Variants in RIMBP2 observed in about 807,000 individuals in gnomAD.
RIMBP2 encodes the protein RIMS-binding protein 2.
A neutral mutation model predicts 118.6 loss-of-function variants in RIMBP2; 48 were observed. That is an observed-to-expected ratio of 0.40 (90% CI 0.32 to 0.51). RIMBP2 has a LOEUF of 0.51. RIMBP2 is among the 20% of genes least tolerant of loss of function. RIMBP2 has a pLI of 0.41. For synonymous variants in RIMBP2, 762 were observed against 742.9 expected (o/e 1.03, Z -0.42); for missense variants, 1,551 against 1,768.3 (o/e 0.88, Z 2.20).
intron 4 of RIMBP2, among the ~76,000 whole-genome samples, chr12:130,481,658 G>A (rs1042145126): frequency 6.6e-6 from 1 of 152,164 alleles, no homozygotes; most frequent in South Asian, 2.1e-4. Context: ...CATGAAACAC[G>A]GGTGTCGCGG....
rs771057996 is a variant in RIMBP2 at position 130,428,165 on chromosome 12, C to T, written c.2412+14G>A. The T allele has an allele frequency of 9.5e-6, 15 of 1,580,802 alleles. No individual in the cohort carries two copies. Among genetic ancestry groups the T allele is most frequent in the Middle Eastern group, 1.7e-4 (1 of 5,918 alleles). On this transcript the variant is annotated intron_variant, in intron 15 of 22. Coordinates refer to ENST00000690449, the MANE Select transcript of RIMBP2 (RefSeq NM_001393629.1). ...GGGGACGGAGTGCAGGGTCCCCCTT[C>T]CCCAGCCACTCACCTTGAGGGCATT... is the stretch of plus-strand genomic sequence containing the variant.
intron 1 of RIMBP2, among the ~76,000 whole-genome samples, chr12:130,645,524 T>C (rs994972184): frequency 2.6e-5 from 4 of 152,220 alleles, no homozygotes; most frequent in Admixed American, 6.5e-5. Context: ...GGACACGGGA[T>C]GGGCAGAGAA....
intron 2 of RIMBP2, among the ~76,000 whole-genome samples, chr12:130,541,553 T>C (rs58075116): frequency 0.031 from 4,676 of 152,346 alleles, 88 homozygotes; most frequent in African/African-American, 0.062. Flanking sequence ...CTTCCTCTCA[T>C]TGAATATAGA....
chr12:130,440,267 C>A (rs1338075811), intron 11 of RIMBP2, among the ~76,000 whole-genome samples: 1 of 152,006 alleles, frequency 6.6e-6, no homozygotes, highest in East Asian at 1.9e-4. Flanking sequence ...CATCCCCGGG[C>A]ATGGCTAACC....
intron 1 of RIMBP2, among the ~76,000 whole-genome samples, chr12:130,701,658 G>A (rs2065860776): frequency 6.6e-6 from 1 of 152,088 alleles, no homozygotes; most frequent in Non-Finnish European, 1.5e-5. Context: ...ATGCTGACTT[G>A]AGCCCCCTCA....
At chr12:130,659,206 A>C (rs1304754322) in intron 1 of RIMBP2, among the ~76,000 whole-genome samples, 2 of 152,184 alleles carry the variant, frequency 1.3e-5, no homozygotes, top group Non-Finnish European at 2.9e-5. Context: ...AACAGATAAA[A>C]CTAATTTTCA....
chr12:130,425,508 C>G (rs1047218886), intron 15 of RIMBP2: 1 of 152,418 alleles, frequency 6.6e-6, no homozygotes, highest in Admixed American at 6.5e-5. Context: ...GACTGGGGTC[C>G]GCCTGTCTCC....
At chr12:130,498,405 GA>G (rs2138620665) in intron 4 of RIMBP2, among the ~76,000 whole-genome samples, 1 of 152,292 alleles carries the variant, frequency 6.6e-6, no homozygotes, top group South Asian at 2.1e-4. Context: ...CTGGGCACTA[GA>G]ACAAAGGCTG....
chr12:130,462,507 G>C (rs1246180592), intron 6 of RIMBP2, among the ~76,000 whole-genome samples: 1 of 152,168 alleles, frequency 6.6e-6, no homozygotes, highest in Admixed American at 6.5e-5. Flanking sequence ...GTTGGTTAAA[G>C]TGAAGATATG....
intron 1 of RIMBP2, among the ~76,000 whole-genome samples, chr12:130,695,387 C>A (rs960381525): frequency 6.6e-6 from 1 of 152,186 alleles, no homozygotes. Context: ...CTCAGAGCTA[C>A]GTTGACAGGA....
chr12:130,631,312 C>T (rs1051668902), intron 1 of RIMBP2, among the ~76,000 whole-genome samples: 6 of 152,170 alleles, frequency 3.9e-5, no homozygotes, highest in African/African-American at 7.2e-5. Flanking sequence ...ACAATAACAA[C>T]GTAACAACTA....
intron 2 of RIMBP2, among the ~76,000 whole-genome samples, chr12:130,601,303 C>G (rs1199306371): frequency 6.7e-6 from 1 of 148,452 alleles, no homozygotes; most frequent in African/African-American, 2.5e-5. Context: ...GGGCTGCTCA[C>G]CCACCCTGGG....
At chr12:130,513,483 C>T (rs1043105663) in intron 3 of RIMBP2, among the ~76,000 whole-genome samples, 1 of 151,382 alleles carries the variant, frequency 6.6e-6, no homozygotes, top group African/African-American at 2.4e-5. Flanking sequence ...GAACCTCAGA[C>T]CTGCTACAGG....
intron 2 of RIMBP2, among the ~76,000 whole-genome samples, chr12:130,588,734 T>G (rs961140652): frequency 5.3e-5 from 8 of 152,208 alleles, no homozygotes; most frequent in South Asian, 2.1e-4. Context: ...CTACTGTATG[T>G]TGTATTATCC....
chr12:130,614,660 A>G (rs2060787191), intron 2 of RIMBP2, among the ~76,000 whole-genome samples: 2 of 152,154 alleles, frequency 1.3e-5, no homozygotes, highest in Non-Finnish European at 2.9e-5. Context: ...CGGGGCAAAG[A>G]AAAAAGGGGA....
At chr12:130,399,578 G>C in intron 22 of RIMBP2, 101 bp downstream of exon 22, 1 of 1,384,916 alleles carries the variant, frequency 7.2e-7, no homozygotes, top group Non-Finnish European at 9.9e-7. Flanking sequence ...GTGTATTTAC[G>C]CTTTTCGGCC....
intron 1 of RIMBP2, among the ~76,000 whole-genome samples, chr12:130,692,364 T>C (rs1164308474): frequency 2.0e-5 from 3 of 152,222 alleles, no homozygotes; most frequent in Non-Finnish European, 4.4e-5. Context: ...TGCTTGTTTA[T>C]AACAAAGCAT....
chr12:130,664,439 G>GCACACGCACACA (rs2063818554), intron 1 of RIMBP2, among the ~76,000 whole-genome samples: 4 of 123,418 alleles, frequency 3.2e-5, no homozygotes, highest in Non-Finnish European at 3.5e-5. Context: ...ATGCATGCAC[G>GCACACGCACACA]CACACACGCA....
intron 7 of RIMBP2, among the ~76,000 whole-genome samples, chr12:130,452,408 C>T (rs1217720557): frequency 1.3e-5 from 2 of 152,230 alleles, no homozygotes; most frequent in Admixed American, 1.3e-4. Flanking sequence ...GCAGCCCTGC[C>T]CTGGGGTCCC....
Sources: gnomAD v4.1 joint callset for allele counts (sites outside exome capture counted in the v4.1 genomes callset) on GRCh38, gnomAD v4.1.1 for gene constraint, MANE v1.5 for transcripts, NCBI Gene and HGNC (gene_info 2026-07-23, HGNC 2026-07-21) for gene names.